SLC7A8: variants seen among roughly 807,000 people sequenced by gnomAD.
SLC7A8 encodes the protein large neutral amino acids transporter small subunit 2.
SLC7A8 carries 30 observed loss-of-function variants against 51.2 expected under a neutral mutation model. The ratio of observed to expected loss-of-function variants is 0.59; its 90% CI spans 0.44 to 0.80. The LOEUF is 0.80. Ranked by LOEUF, SLC7A8 falls within the 30% of genes least tolerant of loss-of-function variation. The pLI, the probability that SLC7A8 is intolerant of heterozygous loss-of-function variation, is 0.00. For synonymous variants in SLC7A8, 257 were observed against 275.8 expected (o/e 0.93, Z 0.67); for missense variants, 612 against 674.4 (o/e 0.91, Z 1.03).
chr14:23,162,040 C>CAAAA (rs148599755), intron 3 of SLC7A8, among the ~76,000 whole-genome samples: 7,145 of 123,568 alleles, frequency 0.058, 633 homozygotes, highest in African/African-American at 0.19. Flanking sequence ...CCATAAAATT[C>CAAAA]AAAAAAAGAA....
At chr14:23,127,985 G>A (rs1379204495) in intron 10 of SLC7A8, 34 bp downstream of exon 10, 1 of 1,592,494 alleles carries the variant, frequency 6.3e-7, no homozygotes, top group African/African-American at 1.3e-5. Flanking sequence ...AGCCCAGGAG[G>A]CCCTGAAGCC....
In SLC7A8 at chr14:23,139,426, C is replaced by T. The variant is rs752867331; in HGVS notation, c.910G>A (p.Val304Met). ...QELLASNAVA[V>M]TFGEKLLGVM... Reference sequence around the variant, plus strand: ...ACTCTGGGACTTTCATTTCTTACCACAGCGACGGCGTTGGATGCCAGCAGC... The same window carrying T: ...ACTCTGGGACTTTCATTTCTTACCATAGCGACGGCGTTGGATGCCAGCAGC... The change falls in exon 6 of 11, where the codon GTG (valine) becomes ATG (methionine). Residue 304 changes from valine (V) to methionine (M), a missense_variant and splice_region_variant. Physicochemically the swap from Val to Met is conservative, Grantham distance 21. Transcript: ENST00000316902. 4 of 1,613,998 alleles carry T rather than the reference C, an allele frequency of 2.5e-6. No homozygotes were observed. Among genetic ancestry groups the T allele is most frequent in the African/African-American group, 2.7e-5 (2 of 75,038 alleles).
intron 8 of SLC7A8, among the ~76,000 whole-genome samples, chr14:23,130,985 G>A (rs59707512): frequency 2.0e-5 from 3 of 151,828 alleles, no homozygotes; most frequent in African/African-American, 4.8e-5. Flanking sequence ...ATTATTTTTC[G>A]TATTTGGTGT....
intron 1 of SLC7A8, among the ~76,000 whole-genome samples, chr14:23,180,469 A>C (rs2140343580): frequency 6.6e-6 from 1 of 152,278 alleles, no homozygotes; most frequent in South Asian, 2.1e-4. Flanking sequence ...TTCTAGCTTA[A>C]GTTGGGGTAG....
chr14:23,134,437 C>CAAAAAAAAAA (rs57162273), intron 7 of SLC7A8, among the ~76,000 whole-genome samples: 157 of 64,146 alleles, frequency 2.4e-3, no homozygotes, highest in Middle Eastern at 0.013. Flanking sequence ...ACCCTGTCTC[C>CAAAAAAAAAA]AAAAAAAAAA....
rs764333777 is a variant in SLC7A8 at position 23,139,545 on chromosome 14, T to C, written c.791A>G (p.Asn264Ser). Residue 264 changes from asparagine to serine, a missense_variant and splice_region_variant, in exon 6 of 11, where the codon AAC (asparagine) becomes AGC (serine). Physicochemically the swap from Asn to Ser is conservative, Grantham distance 46. Coordinates refer to ENST00000316902, the MANE Select transcript of SLC7A8 (RefSeq NM_012244.4). ...VTEELVDPYK[N>S]LPRAIFISIP... is the part of the protein sequence containing the mutation. ...GGAGATGAAGATGGCTCTGGGAAGG[T>C]TCCTGTAGAGGGAGAGGAGGTGAGG... The C allele has an allele frequency of 6.2e-7, 1 of 1,613,050 alleles. No homozygotes were observed. Among genetic ancestry groups the C allele is most frequent in the Admixed American group, 1.7e-5 (1 of 59,956 alleles).
intron 3 of SLC7A8, among the ~76,000 whole-genome samples, chr14:23,143,550 T>C (rs1434682154): frequency 6.6e-6 from 1 of 152,214 alleles, no homozygotes; most frequent in East Asian, 1.9e-4. Flanking sequence ...CAAGAGAAGC[T>C]GTGAGCAGCT....
chr14:23,179,262 G>A (rs1208421846), intron 1 of SLC7A8, among the ~76,000 whole-genome samples: 2 of 152,082 alleles, frequency 1.3e-5, no homozygotes, highest in Admixed American at 6.6e-5. Context: ...AATTTTGAAT[G>A]TTCTCTGTTT....
At chr14:23,152,961 T>C (rs977531890) in intron 3 of SLC7A8, among the ~76,000 whole-genome samples, 1 of 152,152 alleles carries the variant, frequency 6.6e-6, no homozygotes, top group African/African-American at 2.4e-5. Flanking sequence ...ATAAGGACAG[T>C]GCTAAGAAGA....
At chr14:23,135,638 T>C (rs910768440) in intron 7 of SLC7A8, among the ~76,000 whole-genome samples, 2 of 151,110 alleles carry the variant, frequency 1.3e-5, no homozygotes, top group African/African-American at 4.9e-5. Context: ...GGAGGCAGAG[T>C]GTGCAGTGAG....
Position 23,139,467 on chromosome 14 carries a change from G to A in SLC7A8, c.869C>T (p.Ala290Val), listed in dbSNP as rs1755874707. Reference sequence around the variant, plus strand: ...TGCCAGCAGCTCCTGGGGGGACATTGCAGTGACATAAGCGACATTGGCAAA... The same window carrying A: ...TGCCAGCAGCTCCTGGGGGGACATTACAGTGACATAAGCGACATTGGCAAA... ...YVFANVAYVT[A>V]MSPQELLASN... is the part of the protein sequence containing the mutation. Residue 290 changes from alanine (A) to valine (V), a missense_variant, in exon 6 of 11, where the codon GCA becomes GTA. Transcript: ENST00000316902. The A allele has an allele frequency of 6.2e-7, 1 of 1,614,002 alleles. No homozygotes were observed.
intron 3 of SLC7A8, among the ~76,000 whole-genome samples, chr14:23,158,653 C>T (rs2048906529): frequency 6.6e-6 from 1 of 152,228 alleles, no homozygotes; most frequent in South Asian, 2.1e-4. Flanking sequence ...CGACATAGAA[C>T]ACATTCTAAC....
chr14:23,155,891 A>G (rs538498167), intron 3 of SLC7A8, among the ~76,000 whole-genome samples: 9 of 152,282 alleles, frequency 5.9e-5, no homozygotes, highest in African/African-American at 1.9e-4. Context: ...TGTTCACTAA[A>G]TTCTATAAAC....
intron 7 of SLC7A8, among the ~76,000 whole-genome samples, chr14:23,133,357 C>T (rs777275711): frequency 1.4e-5 from 2 of 147,180 alleles, no homozygotes; most frequent in Non-Finnish European, 1.5e-5. Flanking sequence ...GACAGGATCA[C>T]ATGAGCCTGG....
At chr14:23,166,664 T>C in intron 1 of SLC7A8, 124 bp from the exon 2 acceptor site, 1 of 961,246 alleles carries the variant, frequency 1.0e-6, no homozygotes, top group South Asian at 1.5e-5. Flanking sequence ...ATGTAAATGA[T>C]CTGCAGGCAG....
intron 6 of SLC7A8, among the ~76,000 whole-genome samples, 154 bp downstream of exon 6, chr14:23,139,270 C>T (rs1405644863): frequency 6.6e-6 from 1 of 152,142 alleles, no homozygotes; most frequent in Non-Finnish European, 1.5e-5. Context: ...CTTAAAGATA[C>T]CCCAGCCAAT....
At chr14:23,176,357 G>C (rs147356747) in intron 1 of SLC7A8, among the ~76,000 whole-genome samples, 1 of 152,060 alleles carries the variant, frequency 6.6e-6, no homozygotes, top group South Asian at 2.1e-4. Flanking sequence ...GACATCCGTG[G>C]TCTTTCTGGA....
chr14:23,166,159 A>G (rs745727425), intron 2 of SLC7A8, among the ~76,000 whole-genome samples, 177 bp downstream of exon 2: 1 of 152,158 alleles, frequency 6.6e-6, no homozygotes, highest in Non-Finnish European at 1.5e-5. Flanking sequence ...CCTCAAGGGG[A>G]TACAAGGCTA....
At chr14:23,155,065 A>G (rs2048881537) in intron 3 of SLC7A8, 1 of 1,021,942 alleles carries the variant, frequency 9.8e-7, no homozygotes, top group Admixed American at 2.8e-5. Flanking sequence ...CCCAGCTTCT[A>G]TAAAGTGCAC....
Sources: gnomAD v4.1 joint callset for allele counts (sites outside exome capture counted in the v4.1 genomes callset) on GRCh38, gnomAD v4.1.1 for gene constraint, MANE v1.5 for transcripts, NCBI Gene and HGNC (gene_info 2026-07-23, HGNC 2026-07-21) for gene names.